Variants in RUBCNL observed in about 807,000 individuals in gnomAD.
RUBCNL encodes rubicon like autophagy enhancer.
RUBCNL carries 62 observed loss-of-function variants against 69.5 expected under a neutral mutation model. The observed-to-expected ratio is 0.89, with a 90% CI of 0.73 to 1.10. RUBCNL has a LOEUF of 1.10. Ranked by LOEUF, RUBCNL falls within the 50% of genes least tolerant of loss-of-function variation. The probability of loss-of-function intolerance (pLI) is 0.00; values close to 1 mark genes in which losing one functional copy is unlikely to be tolerated. For synonymous variants in RUBCNL, 291 were observed against 303.6 expected (o/e 0.96, Z 0.43); for missense variants, 768 against 798.1 (o/e 0.96, Z 0.45).
chr13:46,339,585 G>A lies in RUBCNL; in HGVS notation c.*3800C>T, dbSNP rs573390507. Among the ~76,000 whole-genome samples, 14 of 152,158 alleles carry A rather than the reference G, an allele frequency of 9.2e-5. No homozygotes were observed. Among genetic ancestry groups the A allele is most frequent in the Non-Finnish European group, 1.5e-4 (10 of 68,030 alleles). ...GTGGTTTAAAACAACAGGGTCAGGC[G>A]CAGTGGCTCAGGCCTGTAATCCCAG... On this transcript the variant is annotated 3_prime_UTR_variant, in exon 15 of 15. Transcript: ENST00000429979.
chr13:46,365,391 A>C (rs1387091678), intron 5 of RUBCNL, among the ~76,000 whole-genome samples: 3 of 151,942 alleles, frequency 2.0e-5, no homozygotes, highest in Non-Finnish European at 4.4e-5. Context: ...ACACAGTTGC[A>C]TTGCATGGGC....
At position 46,343,502 on chromosome 13, in the gene RUBCNL, A is replaced by G. The variant is rs1196221612; in HGVS notation, c.1877-5T>C. On this transcript the variant is annotated splice_region_variant and splice_polypyrimidine_tract_variant and intron_variant, in intron 14 of 14. Transcript: ENST00000429979. ...TGTGAAAGCAAGCCCTGCACGCTGC[A>G]AGCAAGGAAGAGAGCCGTTAGCAAA... is the stretch of plus-strand genomic sequence containing the variant. 1 of 1,612,020 alleles carries G rather than the reference A, an allele frequency of 6.2e-7. No homozygotes were observed.
In RUBCNL at chr13:46,356,452, C is replaced by T; in HGVS notation, c.1310G>A (p.Cys437Tyr). ...CTTACTAGGCTCTACTGGAGTTCCA[C>T]AGCCGGCACAGAAAAAATTCTGGGC... is the stretch of plus-strand genomic sequence containing the variant. ...VAAQNFFCAG[C>Y]GTPVEPKFVK... The change falls in exon 10 of 15, where the codon TGT becomes TAT. Residue 437 changes from cysteine to tyrosine, a missense_variant. By Grantham distance (194) the Cys-to-Tyr change is radical (BLOSUM62 -2). Transcript: ENST00000429979. 1 of 1,614,000 alleles carries T rather than the reference C, an allele frequency of 6.2e-7. No homozygotes were observed. The highest frequency in any genetic ancestry group is 1.1e-5 in the South Asian group (1 of 91,072).
In RUBCNL at chr13:46,338,038, T is replaced by C. The variant is rs907429017; in HGVS notation, c.*5347A>G. Among the ~76,000 whole-genome samples the C allele has an allele frequency of 6.6e-6, 1 of 152,006 alleles. No homozygotes were observed. Among genetic ancestry groups the C allele is most frequent in the Non-Finnish European group, 1.5e-5 (1 of 68,002 alleles). The stretch of plus-strand genomic sequence containing the variant: ...TAGAATAATGAGGTAAATGCAGATA[T>C]CAGAGTGTAAGGAGAAGGGAGCATG... On this transcript the variant is annotated 3_prime_UTR_variant, in exon 15 of 15. Coordinates refer to ENST00000429979, the MANE Select transcript of RUBCNL (RefSeq NM_025113.5).
chr13:46,383,443 C>A (rs989473693), intron 1 of RUBCNL, among the ~76,000 whole-genome samples: 1 of 152,204 alleles, frequency 6.6e-6, no homozygotes, highest in Non-Finnish European at 1.5e-5. Flanking sequence ...CATCTTCTGA[C>A]ACCTTCCTCC....
chr13:46,372,053 G>A lies in RUBCNL; in HGVS notation c.423C>T (p.Tyr141=). 1 of 1,613,998 alleles carries A rather than the reference G, an allele frequency of 6.2e-7. No individual in the cohort carries two copies. Among genetic ancestry groups the A allele is most frequent in the African/African-American group, 1.3e-5 (1 of 75,024 alleles). The change falls in exon 3 of 15, where the codon TAC becomes TAT. Residue 141 remains tyrosine, a synonymous_variant. Coordinates refer to ENST00000429979, the MANE Select transcript of RUBCNL (RefSeq NM_025113.5). ...STEVHMVRPG[Y]SHRVSLPTSP... The stretch of plus-strand genomic sequence containing the variant: ...TTGTGGGCAGAGACACCCGATGAGA[G>A]TATCCTGGGCGGACCATGTGTACCT...
intron 6 of RUBCNL, 118 bp downstream of exon 6, chr13:46,362,997 G>A: frequency 4.6e-6 from 1 of 218,744 alleles, no homozygotes; most frequent in Non-Finnish European, 8.6e-6. Context: ...TCTGATTTTG[G>A]AAGAAGTTGG....
chr13:46,364,671 G>A (rs1230278100), intron 5 of RUBCNL, among the ~76,000 whole-genome samples: 1 of 147,748 alleles, frequency 6.8e-6, no homozygotes, highest in Non-Finnish European at 1.5e-5. Context: ...CACCCTCAGT[G>A]AGATGCACTC....
intron 10 of RUBCNL, among the ~76,000 whole-genome samples, chr13:46,351,217 C>T (rs1169199979): frequency 6.6e-6 from 1 of 152,146 alleles, no homozygotes; most frequent in East Asian, 1.9e-4. Flanking sequence ...ATCATCATGT[C>T]ACTGCATTCC....
intron 5 of RUBCNL, among the ~76,000 whole-genome samples, chr13:46,367,613 G>T (rs914874424): frequency 6.6e-6 from 1 of 152,170 alleles, no homozygotes; most frequent in African/African-American, 2.4e-5. Context: ...TTAGACAAAG[G>T]ATTTAAAGAC....
At chr13:46,344,664 A>G (rs928663148) in intron 14 of RUBCNL, 77 bp downstream of exon 14, 5 of 954,914 alleles carry the variant, frequency 5.2e-6, no homozygotes, top group African/African-American at 1.6e-5. Flanking sequence ...GCTTAAGTTA[A>G]TTTTGTGCTT....
chr13:46,377,458 T>C (rs911972504), intron 2 of RUBCNL, among the ~76,000 whole-genome samples: 12 of 152,210 alleles, frequency 7.9e-5, no homozygotes, highest in Admixed American at 3.9e-4. Context: ...GAGATGGGGT[T>C]TCACCATGTT....
chr13:46,386,872 C>T (rs1488319593), intron 1 of RUBCNL, among the ~76,000 whole-genome samples: 3 of 152,296 alleles, frequency 2.0e-5, no homozygotes, highest in African/African-American at 7.2e-5. Context: ...CCGGCCCAAG[C>T]CGAACACAGG....
At position 46,336,789 on chromosome 13, in the gene RUBCNL, C is replaced by CA. The variant is rs1290700081; in HGVS notation, c.*6595dup. On this transcript the variant is annotated 3_prime_UTR_variant, in exon 15 of 15. Transcript: ENST00000429979. The stretch of plus-strand genomic sequence containing the variant: ...TGGCAAACATTAAAAACTGTTCTTT[C>CA]AAAAATGTTGCTGTGAAGAAGATCA... Among the ~76,000 whole-genome samples, 3 of 152,058 alleles carry CA rather than the reference C, an allele frequency of 2.0e-5. No homozygotes were observed. In the East Asian group the frequency reaches 5.8e-4, roughly 29 times the overall value.
At chr13:46,368,007 A>C (rs758673668) in intron 5 of RUBCNL, 35 bp downstream of exon 5, 8 of 1,584,672 alleles carry the variant, frequency 5.0e-6, no homozygotes, top group Admixed American at 1.7e-5. Context: ...TGTGAAACAC[A>C]TAACATACAG....
Position 46,343,529 on chromosome 13 carries a change from G to C in RUBCNL, c.1877-32C>G, listed in dbSNP as rs537158238. 15 of 1,599,736 alleles carry C rather than the reference G, an allele frequency of 9.4e-6. No homozygotes were observed. In the Admixed American group the frequency reaches 2.5e-4, roughly 27 times the overall value. On this transcript the variant is annotated intron_variant, in intron 14 of 14. Coordinates refer to ENST00000429979, the MANE Select transcript of RUBCNL (RefSeq NM_025113.5). ...GCAAGGAAGAGAGCCGTTAGCAAACGGTCTATCTTGTTTTCTCACATTTCT... is the reference window on the plus strand; with the variant it reads ...GCAAGGAAGAGAGCCGTTAGCAAACCGTCTATCTTGTTTTCTCACATTTCT...
At chr13:46,381,547 C>T (rs1050519591) in intron 1 of RUBCNL, among the ~76,000 whole-genome samples, 4 of 152,116 alleles carry the variant, frequency 2.6e-5, no homozygotes, top group African/African-American at 4.8e-5. Flanking sequence ...TTTGTGAATA[C>T]ACTGAAAATC....
At chr13:46,364,758 C>T (rs576668831) in intron 5 of RUBCNL, among the ~76,000 whole-genome samples, 8 of 150,658 alleles carry the variant, frequency 5.3e-5, no homozygotes, top group African/African-American at 2.0e-4. Context: ...ACCAACCCAC[C>T]TCATGGAGGA....
At chr13:46,366,867 A>G (rs372663712) in intron 5 of RUBCNL, among the ~76,000 whole-genome samples, 1 of 152,316 alleles carries the variant, frequency 6.6e-6, no homozygotes, top group African/African-American at 2.4e-5. Flanking sequence ...TCACCCAGAA[A>G]TGAAGTATTA....
Sources: allele counts gnomAD v4.1 joint callset (sites outside exome capture counted in the v4.1 genomes callset), GRCh38; gene constraint gnomAD v4.1.1; transcripts MANE v1.5; gene names NCBI Gene and HGNC (gene_info 2026-07-23, HGNC 2026-07-21).